CFAP54: variants seen among roughly 807,000 people sequenced by gnomAD.
CFAP54 encodes the protein cilia and flagella associated protein 54.
CFAP54 carries 290 observed loss-of-function variants against 370.4 expected under a neutral mutation model. That is an observed-to-expected ratio of 0.78 (90% CI 0.71 to 0.86). CFAP54 has a LOEUF of 0.86. CFAP54 is among the 40% of genes least tolerant of loss of function. CFAP54 has a pLI of 0.00. For synonymous variants in CFAP54, 1,206 were observed against 1,236.5 expected, an observed-to-expected ratio of 0.98 and a Z score of 0.52; for missense variants, 3,399 against 3,528.7, an observed-to-expected ratio of 0.96 and a Z score of 0.93.
chr12:96,508,079 A>G (rs994275529), intron 4 of CFAP54, among the ~76,000 whole-genome samples: 4 of 149,714 alleles, frequency 2.7e-5, no homozygotes, highest in Non-Finnish European at 4.4e-5. Context: ...GGAAATGAGC[A>G]TGATTCCCTG....
Position 96,726,485 on chromosome 12 carries a change from G to T in CFAP54, c.6965+5920G>T, listed in dbSNP as rs1002570002. Among the ~76,000 whole-genome samples, 15 of 152,294 alleles carry T rather than the reference G, an allele frequency of 9.8e-5. 1 individual carries two copies. Among genetic ancestry groups the T allele is most frequent in the African/African-American group, 3.6e-4 (15 of 41,560 alleles). On this transcript the variant is annotated intron_variant, in intron 50 of 67. Coordinates refer to ENST00000524981, the MANE Select transcript of CFAP54 (RefSeq NM_001306084.2). ...CGTAGAGGTGTTTATAGTATTCTCT[G>T]ATGGTAGTTTGCATTTATGTGGGAT...
intron 60 of CFAP54, among the ~76,000 whole-genome samples, chr12:96,769,636 C>T (rs1348948753): frequency 6.6e-6 from 1 of 152,190 alleles, no homozygotes; most frequent in Non-Finnish European, 1.5e-5. Context: ...GGCATGAGTG[C>T]AGCTATACAG....
chr12:96,799,692 C>A (rs542332627), intron 63 of CFAP54, among the ~76,000 whole-genome samples: 8 of 152,166 alleles, frequency 5.3e-5, no homozygotes, highest in Non-Finnish European at 7.3e-5. Flanking sequence ...AAAGTACTCT[C>A]CCTTCCAGTT....
chr12:96,857,699 G>A (rs1177367733), intron 66 of CFAP54, among the ~76,000 whole-genome samples: 2 of 152,140 alleles, frequency 1.3e-5, no homozygotes, highest in East Asian at 1.9e-4. Context: ...GTGATAGTGA[G>A]TTCTCATGAG....
chr12:96,726,766 T>G (rs1055342121), intron 50 of CFAP54, among the ~76,000 whole-genome samples: 2 of 152,136 alleles, frequency 1.3e-5, no homozygotes, highest in African/African-American at 4.8e-5. Context: ...AATTGTGATG[T>G]TAGGGTGTCA....
chr12:96,677,801 A>G (rs1261171541), intron 39 of CFAP54, among the ~76,000 whole-genome samples: 1 of 152,122 alleles, frequency 6.6e-6, no homozygotes, highest in African/African-American at 2.4e-5. Flanking sequence ...GTTTGACTGA[A>G]GCCTCCAGGA....
At chr12:96,634,810 T>A (rs1221987316) in intron 32 of CFAP54, among the ~76,000 whole-genome samples, 1 of 152,216 alleles carries the variant, frequency 6.6e-6, no homozygotes, top group African/African-American at 2.4e-5. Context: ...GGATATCTAA[T>A]TGCTCCAATG....
Position 96,719,592 on chromosome 12 carries a change from T to C in CFAP54, c.6805-813T>C, listed in dbSNP as rs1957725265. 2.6e-5 allele frequency among the ~76,000 whole-genome samples: 4 copies of C among 152,216 alleles called. No homozygotes were observed. The South Asian group carries it at 8.3e-4, about 32-fold the overall frequency. ...AATTTGCAGATCTACTGAAATTTAT[T>C]TGTAGCCTGAAAATCAACACTCTTG... On this transcript the variant is annotated intron_variant, in intron 49 of 67. Transcript: ENST00000524981.
chr12:96,669,480 A>C (rs1312118012), intron 39 of CFAP54, among the ~76,000 whole-genome samples: 2 of 152,216 alleles, frequency 1.3e-5, no homozygotes, highest in Non-Finnish European at 2.9e-5. Flanking sequence ...AGAGATGATG[A>C]AAGCCTGGAC....
intron 5 of CFAP54, among the ~76,000 whole-genome samples, chr12:96,513,395 T>C (rs1402453276): frequency 1.3e-5 from 2 of 152,082 alleles, no homozygotes; most frequent in Non-Finnish European, 2.9e-5. Context: ...AAAGTCCCGG[T>C]TTATGCCTGT....
chr12:96,851,395 C>G (rs1048988583), intron 66 of CFAP54, among the ~76,000 whole-genome samples: 1 of 151,842 alleles, frequency 6.6e-6, no homozygotes, highest in Admixed American at 6.6e-5. Context: ...GCAGTTTTTC[C>G]AAATAATAAA....
chr12:96,669,778 A>C (rs548513289), intron 39 of CFAP54, among the ~76,000 whole-genome samples: 72 of 152,322 alleles, frequency 4.7e-4, no homozygotes, highest in Admixed American at 2.2e-3. Context: ...ATGGTTGGAT[A>C]TACTAATGCG....
rs1306845869 is a variant in CFAP54 at position 96,533,866 on chromosome 12, G to A, written c.1432G>A (p.Asp478Asn). Residue 478 changes from aspartate (D) to asparagine (N), a missense_variant, in exon 10 of 68, where the codon GAT (aspartate) becomes AAT (asparagine). Physicochemically the swap from Asp to Asn is conservative, Grantham distance 23. Coordinates refer to ENST00000524981, the MANE Select transcript of CFAP54 (RefSeq NM_001306084.2). ...SLLELMIGRK[D>N]VISVDAAVKF... is the part of the protein sequence containing the mutation. ...TCTGGAACTTATGATAGGAAGAAAA[G>A]ATGTTATTTCTGTGGATGCTGCTGT... The A allele has an allele frequency of 2.6e-6, 4 of 1,535,136 alleles. No individual in the cohort carries two copies. The highest frequency in any genetic ancestry group is 3.5e-6 in the Non-Finnish European group (4 of 1,146,422).
chr12:96,586,276 G>A (rs764298525), intron 22 of CFAP54, among the ~76,000 whole-genome samples: 1 of 152,110 alleles, frequency 6.6e-6, no homozygotes, highest in Middle Eastern at 3.2e-3. Context: ...GAGGCCCAGG[G>A]ACCATACTTT....
rs73241143 is a variant in CFAP54, at chr12:96,668,340, G to A, written c.5563+4408G>A. Among the ~76,000 whole-genome samples the A allele has an allele frequency of 6.6e-3, 999 of 152,240 alleles. 2 individuals carry two copies. Among genetic ancestry groups the A allele is most frequent in the Non-Finnish European group, 0.011 (750 of 68,028 alleles). ...AGGCCATTCTCATGCTGCTAATAAA[G>A]ACTTACCCAAGACTGGATAATTTAT... On this transcript the variant is annotated intron_variant, in intron 39 of 67. Coordinates refer to ENST00000524981, the MANE Select transcript of CFAP54 (RefSeq NM_001306084.2).
At chr12:96,706,536 T>C (rs1051390503) in intron 47 of CFAP54, among the ~76,000 whole-genome samples, 3 of 152,110 alleles carry the variant, frequency 2.0e-5, no homozygotes, top group Admixed American at 1.3e-4. Context: ...CAGTAGGAGA[T>C]AAGGTCAGAG....
At position 96,640,215 on chromosome 12, in the gene CFAP54, G is replaced by A. The variant is rs1290883637; in HGVS notation, c.4317-3963G>A. ...AGCCCAAAATCTCCTTAAGCTGATA[G>A]GCAACTTCAGCAAAGTCTCAGGATA... On this transcript the variant is annotated intron_variant, in intron 32 of 67. Transcript: ENST00000524981. 9.2e-5 allele frequency among the ~76,000 whole-genome samples: 14 copies of A among 152,256 alleles called. 1 individual carries two copies. The highest frequency in any genetic ancestry group is 2.1e-4 in the South Asian group (1 of 4,824).
At chr12:96,621,443 G>A (rs1956486622) in intron 26 of CFAP54, 147 bp from the exon 27 acceptor site, 2 of 467,168 alleles carry the variant, frequency 4.3e-6, no homozygotes, top group Non-Finnish European at 6.8e-6. Flanking sequence ...ACGATCTGGA[G>A]GTAAACTTAC....
At chr12:96,852,540 T>TGTGGAAGATAAAAC (rs2099435231) in intron 66 of CFAP54, among the ~76,000 whole-genome samples, 1 of 152,114 alleles carries the variant, frequency 6.6e-6, no homozygotes, top group South Asian at 2.1e-4. Context: ...TGGCAATAAA[T>TGTGGAAGATAAAAC]GTGGAAGATA....
Sources: gnomAD v4.1 joint callset for allele counts (sites outside exome capture counted in the v4.1 genomes callset) on GRCh38, gnomAD v4.1.1 for gene constraint, MANE v1.5 for transcripts, NCBI Gene and HGNC (gene_info 2026-07-23, HGNC 2026-07-21) for gene names.